SYT14: variants seen among roughly 807,000 people sequenced by gnomAD.
SYT14 encodes the protein synaptotagmin-14.
SYT14 carries 32 observed loss-of-function variants against 74.2 expected under a neutral mutation model. The observed-to-expected ratio is 0.43, with a 90% CI of 0.33 to 0.58. The LOEUF (loss-of-function observed/expected upper bound fraction) is 0.58, where lower values mean the gene tolerates loss of function less well. SYT14 is among the 20% of genes least tolerant of loss of function. The probability of loss-of-function intolerance (pLI) is 0.05; values close to 1 mark genes in which losing one functional copy is unlikely to be tolerated. For synonymous variants in SYT14, 298 were observed against 337.7 expected (o/e 0.88, Z 1.29); for missense variants, 791 against 981.8 (o/e 0.81, Z 2.60).
chr1:210,056,899 AGTAGCTGCAGTCTC>A lies in SYT14; in HGVS notation c.1312+35648_1312+35661del, dbSNP rs1158411554. 6.6e-5 allele frequency among the ~76,000 whole-genome samples: 10 copies of A among 151,740 alleles called. No homozygotes were observed. The East Asian group carries it at 2.0e-3, about 30-fold the overall frequency. On this transcript the variant is annotated intron_variant, in intron 5 of 9. Transcript: ENST00000637265. Reference sequence around the variant, plus strand: ...TGCTCTGTCACCCAGGCTGGAGTGTAGTAGCTGCAGTCTCGTCTCACTGCAACCTCCACCTCCCA... The same window carrying A: ...TGCTCTGTCACCCAGGCTGGAGTGTAGTCTCACTGCAACCTCCACCTCCCA...
chr1:210,072,132 G>T (rs1572250068), intron 5 of SYT14, among the ~76,000 whole-genome samples: 2 of 146,270 alleles, frequency 1.4e-5, no homozygotes, highest in South Asian at 2.1e-4. Context: ...GTTAATTAAA[G>T]ATATATATAT....
In SYT14 at chr1:210,075,820, C is replaced by T. The variant is rs116537331; in HGVS notation, c.1313-18502C>T. On this transcript the variant is annotated intron_variant, in intron 5 of 9. Coordinates refer to ENST00000637265, the Ensembl canonical transcript of SYT14. ...TCCCAGCACTTCCCTGCCCTCCTTC[C>T]GTATCAGTAGTTCCCTTGTATAGAT... is the stretch of plus-strand genomic sequence containing the variant. 5.8e-3 allele frequency among the ~76,000 whole-genome samples: 884 copies of T among 152,232 alleles called. 8 individuals are homozygous for T. The highest frequency in any genetic ancestry group is 0.02 in the African/African-American group (844 of 41,532).
exon 10 of SYT14, chr1:210,161,795 G>C (rs1243101815): frequency 2.2e-6 from 1 of 453,680 alleles, no homozygotes; most frequent in Non-Finnish European, 4.4e-6. Context: ...GTAGAACTAC[G>C]TAACTTTCTG....
chr1:210,110,728 T>A (rs958357054), intron 7 of SYT14, among the ~76,000 whole-genome samples: 1 of 152,238 alleles, frequency 6.6e-6, no homozygotes, highest in African/African-American at 2.4e-5. Flanking sequence ...ATCATATCTT[T>A]ATAGAAATAT....
At chr1:209,953,634 G>A (rs2078947335) in intron 2 of SYT14, among the ~76,000 whole-genome samples, 1 of 152,120 alleles carries the variant, frequency 6.6e-6, no homozygotes. Context: ...TTTTCAGTAA[G>A]TCTTTAACAG....
intron 2 of SYT14, among the ~76,000 whole-genome samples, chr1:209,991,992 C>T (rs933745432): frequency 2.0e-5 from 3 of 152,160 alleles, no homozygotes; most frequent in Non-Finnish European, 4.4e-5. Context: ...CTAGCAATCT[C>T]ATTACTTAGT....
chr1:210,094,684 A>T, intron 6 of SYT14, 91 bp downstream of exon 5: 4 of 1,410,170 alleles, frequency 2.8e-6, no homozygotes, highest in African/African-American at 1.4e-5. Flanking sequence ...AATTGATTTT[A>T]TCACTTATTC....
chr1:209,979,142 C>T (rs1230325658), intron 2 of SYT14, among the ~76,000 whole-genome samples: 3 of 152,200 alleles, frequency 2.0e-5, no homozygotes, highest in Admixed American at 1.3e-4. Flanking sequence ...TCCCTGACCC[C>T]TTGCGCTTCC....
intron 7 of SYT14, among the ~76,000 whole-genome samples, chr1:210,101,407 T>G (rs369123377): frequency 3.3e-5 from 5 of 152,282 alleles, no homozygotes; most frequent in African/African-American, 1.2e-4. Context: ...CCAAGTAGTT[T>G]AGGGTCTCAT....
At chr1:210,152,422 TTTC>T (rs2083182797) in intron 7 of SYT14, among the ~76,000 whole-genome samples, 1 of 152,204 alleles carries the variant, frequency 6.6e-6, no homozygotes. Context: ...GTGTCTTTTT[TTTC>T]TTTTCTTTTT....
At chr1:210,059,842 A>G (rs1311945290) in intron 5 of SYT14, among the ~76,000 whole-genome samples, 1 of 152,112 alleles carries the variant, frequency 6.6e-6, no homozygotes, top group African/African-American at 2.4e-5. Context: ...ATGTTTATAT[A>G]TAGTCTTAGT....
intron 5 of SYT14, among the ~76,000 whole-genome samples, chr1:210,075,672 C>A (rs1374860845): frequency 6.6e-6 from 1 of 152,050 alleles, no homozygotes; most frequent in Non-Finnish European, 1.5e-5. Flanking sequence ...GGGGGCGTGG[C>A]TGGCCAGGGT....
chr1:209,997,553 A>T (rs1486727973), intron 2 of SYT14, among the ~76,000 whole-genome samples: 1 of 152,268 alleles, frequency 6.6e-6, no homozygotes, highest in Middle Eastern at 3.4e-3. Flanking sequence ...AGTGCAATCT[A>T]CAGGTTCAAT....
intron 8 of SYT14, among the ~76,000 whole-genome samples, chr1:210,156,424 A>G (rs1572392308): frequency 6.6e-6 from 1 of 151,532 alleles, no homozygotes; most frequent in East Asian, 1.9e-4. Context: ...CTTTTCTTAG[A>G]TGGAATGGGC....
intron 7 of SYT14, among the ~76,000 whole-genome samples, chr1:210,123,261 A>G (rs1191530208): frequency 6.6e-6 from 1 of 152,154 alleles, no homozygotes. Context: ...TATACCCATG[A>G]AGTCTAAATA....
At chr1:210,006,784 T>C (rs1465475360) in intron 2 of SYT14, among the ~76,000 whole-genome samples, 1 of 151,920 alleles carries the variant, frequency 6.6e-6, no homozygotes, top group Non-Finnish European at 1.5e-5. Context: ...TTATAATTAA[T>C]TTGTTTTGAT....
intron 2 of SYT14, among the ~76,000 whole-genome samples, chr1:209,966,248 C>CT (rs778784102): frequency 6.6e-5 from 10 of 152,236 alleles, no homozygotes; most frequent in Admixed American, 1.3e-4. Flanking sequence ...ATTACTATAG[C>CT]TTTATAACCA....
intron 1 of SYT14, among the ~76,000 whole-genome samples, chr1:209,948,697 T>C (rs1023781659): frequency 6.6e-6 from 1 of 152,232 alleles, no homozygotes; most frequent in African/African-American, 2.4e-5. Context: ...TATTTTTTTT[T>C]CTGACAATTA....
chr1:210,099,775 G>A (rs1365658550), intron 6 of SYT14, among the ~76,000 whole-genome samples: 1 of 152,150 alleles, frequency 6.6e-6, no homozygotes, highest in African/African-American at 2.4e-5. Context: ...TTGTAATGGT[G>A]AATATTAAAT....
Sources: gnomAD v4.1 joint callset for allele counts (sites outside exome capture counted in the v4.1 genomes callset) on GRCh38, gnomAD v4.1.1 for gene constraint, MANE v1.5 for transcripts, NCBI Gene and HGNC (gene_info 2026-07-23, HGNC 2026-07-21) for gene names.